ZBTB44: variants seen among roughly 807,000 people sequenced by gnomAD.
ZBTB44 encodes the protein zinc finger and BTB domain containing 44.
ZBTB44 carries 15 observed loss-of-function variants against 54.0 expected under a neutral mutation model. The ratio of observed to expected loss-of-function variants is 0.28; its 90% CI spans 0.19 to 0.43. The LOEUF (loss-of-function observed/expected upper bound fraction) is 0.43, where lower values mean the gene tolerates loss of function less well. Among genes scored for constraint, ZBTB44 ranks in the 20% least tolerant of loss-of-function variants. The pLI, the probability that ZBTB44 is intolerant of heterozygous loss-of-function variation, is 1.00. For missense variants in ZBTB44, 487 were observed against 707.1 expected (o/e 0.69, Z 3.53); for synonymous variants, 230 against 250.1 (o/e 0.92, Z 0.76).
intron 2 of ZBTB44, among the ~76,000 whole-genome samples, chr11:130,245,749 T>C (rs1219120315): frequency 2.8e-5 from 4 of 144,618 alleles, no homozygotes; most frequent in Non-Finnish European, 6.0e-5. Context: ...AAGACTGGCA[T>C]CTGCTTCTCA....
At chr11:130,267,935 T>G (rs957780328) in intron 1 of ZBTB44, among the ~76,000 whole-genome samples, 1 of 151,856 alleles carries the variant, frequency 6.6e-6, no homozygotes, top group Admixed American at 6.6e-5. Context: ...TAGCCGGGTG[T>G]GGTGGCAGGC....
intron 1 of ZBTB44, among the ~76,000 whole-genome samples, chr11:130,307,651 C>T (rs559149405): frequency 6.6e-6 from 1 of 152,212 alleles, no homozygotes; most frequent in South Asian, 2.1e-4. Flanking sequence ...ACAACCGTCC[C>T]ATATTATAAT....
At chr11:130,295,508 G>C (rs1941587934) in intron 1 of ZBTB44, 1 of 701,728 alleles carries the variant, frequency 1.4e-6, no homozygotes, top group African/African-American at 1.8e-5. Flanking sequence ...AAATAACGTA[G>C]AGAAGCCAGA....
chr11:130,307,236 A>G (rs563721522), intron 1 of ZBTB44, among the ~76,000 whole-genome samples: 201 of 152,182 alleles, frequency 1.3e-3, no homozygotes, highest in Non-Finnish European at 2.5e-3. Flanking sequence ...CATCCTGGCT[A>G]ACACGGTGAA....
rs900576261 is a variant in ZBTB44 at position 130,231,203 on chromosome 11, CTATA to C, written c.*557_*560del. The stretch of plus-strand genomic sequence containing the variant: ...GAATTTGAAATAAACCTAAATACTA[CTATA>C]TATACAATTATCCCTTGCAAATCTG... On this transcript the variant is annotated 3_prime_UTR_variant, in exon 8 of 8. Coordinates refer to ENST00000357899, the MANE Select transcript of ZBTB44 (RefSeq NM_001301098.2). 1 of 152,040 alleles carries C rather than the reference CTATA, an allele frequency of 6.6e-6. No homozygotes were observed. The highest frequency in any genetic ancestry group is 1.5e-5 in the Non-Finnish European group (1 of 67,954). The allele number at this position is 152,040 out of a possible 1,614,324, so 9.4% of individuals were successfully genotyped here. A position where few individuals can be genotyped will look rare whatever the true frequency, so the allele number is the denominator to read the frequency against.
chr11:130,299,742 A>G (rs1258711454), intron 1 of ZBTB44, among the ~76,000 whole-genome samples: 1 of 152,216 alleles, frequency 6.6e-6, no homozygotes, highest in African/African-American at 2.4e-5. Flanking sequence ...TATAGAAAAC[A>G]GTATAGAGGG....
intron 1 of ZBTB44, among the ~76,000 whole-genome samples, chr11:130,290,185 GGTGTAGCAACGTGAAGACCA>G (rs1429271452): frequency 6.6e-6 from 1 of 152,096 alleles, no homozygotes; most frequent in Non-Finnish European, 1.5e-5. Context: ...AAGAGGAGGT[GGTGTAGCAACGTGAAGACCA>G]GTGATGAATG....
At chr11:130,309,208 C>G (rs1754690156) in intron 1 of ZBTB44, among the ~76,000 whole-genome samples, 1 of 152,214 alleles carries the variant, frequency 6.6e-6, no homozygotes, top group South Asian at 2.1e-4. Flanking sequence ...TGCACCCTTG[C>G]AACCAACCTA....
intron 1 of ZBTB44, among the ~76,000 whole-genome samples, chr11:130,263,894 A>T (rs930230723): frequency 2.6e-5 from 4 of 152,202 alleles, no homozygotes; most frequent in African/African-American, 9.7e-5. Flanking sequence ...ATCTATGGAA[A>T]ATATGTTACA....
At chr11:130,285,652 C>CT (rs1386445896) in intron 1 of ZBTB44, 3 of 267,190 alleles carry the variant, frequency 1.1e-5, no homozygotes, top group African/African-American at 2.3e-5. Flanking sequence ...ACTTCACAGT[C>CT]TAATTTTTTA....
At chr11:130,236,634 TATCAG>T in intron 5 of ZBTB44, 154 bp downstream of exon 5, 1 of 718,524 alleles carries the variant, frequency 1.4e-6, no homozygotes, top group Non-Finnish European at 1.9e-6. Context: ...AGCAAAATTT[TATCAG>T]ATCAGGAGAT....
intron 1 of ZBTB44, among the ~76,000 whole-genome samples, chr11:130,313,634 T>G (rs1942750383): frequency 6.6e-6 from 1 of 152,206 alleles, no homozygotes. Context: ...GTGGAAGTTA[T>G]GGAGAATTTC....
chr11:130,274,401 A>G (rs1448461091), intron 1 of ZBTB44, among the ~76,000 whole-genome samples: 1 of 152,132 alleles, frequency 6.6e-6, no homozygotes, highest in Non-Finnish European at 1.5e-5. Flanking sequence ...GCAATGTTAA[A>G]CAGAAATAGC....
At chr11:130,289,877 G>A (rs1046624427) in intron 1 of ZBTB44, among the ~76,000 whole-genome samples, 2 of 152,154 alleles carry the variant, frequency 1.3e-5, no homozygotes, top group Non-Finnish European at 2.9e-5. Context: ...TGGCCCATAG[G>A]TACTTCAGCA....
intron 2 of ZBTB44, among the ~76,000 whole-genome samples, chr11:130,249,424 ACCCC>A (rs1364066130): frequency 6.6e-6 from 1 of 152,102 alleles, no homozygotes; most frequent in Non-Finnish European, 1.5e-5. Context: ...AACTATTTTG[ACCCC>A]AATTCAGGAA....
chr11:130,310,040 G>A lies in ZBTB44; in HGVS notation c.-57+4335C>T, dbSNP rs567878721. The A allele has an allele frequency of 7.9e-5, 12 of 152,028 alleles. 1 individual carries two copies. Among genetic ancestry groups the A allele is most frequent in the South Asian group, 2.1e-4 (1 of 4,814 alleles). The allele number at this position is 152,028 out of a possible 1,614,324, so 9.4% of individuals were successfully genotyped here. ...TTAAAAATATGGTATCTAGGCCTAC[G>A]GCTACAGGCTTACATGTGTAATCTT... On this transcript the variant is annotated intron_variant, in intron 1 of 7. Transcript: ENST00000357899.
intron 1 of ZBTB44, among the ~76,000 whole-genome samples, chr11:130,307,135 C>A (rs564199635): frequency 1.3e-5 from 2 of 151,678 alleles, no homozygotes; most frequent in Admixed American, 1.3e-4. Flanking sequence ...CATTAACATT[C>A]TACTGTAGCC....
intron 1 of ZBTB44, among the ~76,000 whole-genome samples, chr11:130,297,810 GT>G (rs1941740985): frequency 6.6e-6 from 1 of 152,160 alleles, no homozygotes; most frequent in South Asian, 2.1e-4. Flanking sequence ...CTTCGTCATA[GT>G]TTGTTACGGC....
intron 2 of ZBTB44, among the ~76,000 whole-genome samples, chr11:130,247,087 A>G (rs1937610551): frequency 6.6e-6 from 1 of 152,146 alleles, no homozygotes; most frequent in South Asian, 2.1e-4. Flanking sequence ...TCCCTAATGG[A>G]GAGTAAGCAT....
Sources: allele counts gnomAD v4.1 joint callset (sites outside exome capture counted in the v4.1 genomes callset), GRCh38; gene constraint gnomAD v4.1.1; transcripts MANE v1.5; gene names NCBI Gene and HGNC (gene_info 2026-07-23, HGNC 2026-07-21).